CPQ: variants seen among roughly 807,000 people sequenced by gnomAD.
CPQ encodes the protein carboxypeptidase Q, also known as Ser-Met dipeptidase.
A neutral mutation model predicts 45.7 loss-of-function variants in CPQ; 37 were observed. The observed-to-expected ratio is 0.81, with a 90% CI of 0.62 to 1.07. CPQ has a LOEUF of 1.07. Among genes scored for constraint, CPQ ranks in the 50% least tolerant of loss-of-function variants. The pLI is 0.00. For synonymous variants in CPQ, 186 were observed against 205.8 expected (o/e 0.90, Z 0.82); for missense variants, 537 against 572.9 (o/e 0.94, Z 0.64).
intron 7 of CPQ, among the ~76,000 whole-genome samples, chr8:97,089,893 A>G (rs866440153): frequency 2.6e-5 from 4 of 152,292 alleles, no homozygotes; most frequent in African/African-American, 9.6e-5. Context: ...CTAATGTAGT[A>G]AGTGTGGGGT....
At chr8:96,793,242 C>T (rs192352436) in intron 2 of CPQ, among the ~76,000 whole-genome samples, 158 of 152,276 alleles carry the variant, frequency 1.0e-3, no homozygotes, top group East Asian at 1.4e-3. Context: ...TCCATTTTCA[C>T]GCTGCTTATA....
intron 1 of CPQ, among the ~76,000 whole-genome samples, chr8:96,707,694 T>G (rs1271822811): frequency 7.1e-6 from 1 of 140,910 alleles, no homozygotes; most frequent in Non-Finnish European, 1.5e-5. Context: ...AATGAATGAT[T>G]TTTTTTTTTG....
At chr8:96,729,005 T>C (rs1809877006) in intron 1 of CPQ, among the ~76,000 whole-genome samples, 1 of 152,154 alleles carries the variant, frequency 6.6e-6, no homozygotes, top group South Asian at 2.1e-4. Context: ...GTAAGTGATA[T>C]CATCTGTGGT....
chr8:96,903,996 C>T (rs939574860), intron 4 of CPQ, among the ~76,000 whole-genome samples: 2 of 152,060 alleles, frequency 1.3e-5, no homozygotes, highest in Non-Finnish European at 2.9e-5. Flanking sequence ...ACCAAAATAC[C>T]ACAGGCCTCC....
At chr8:96,920,636 T>G (rs949143845) in intron 4 of CPQ, among the ~76,000 whole-genome samples, 1 of 152,070 alleles carries the variant, frequency 6.6e-6, no homozygotes, top group Non-Finnish European at 1.5e-5. Flanking sequence ...GGTGATCGTA[T>G]TTAGAGATAT....
At chr8:96,872,997 CA>C (rs1812092749) in intron 3 of CPQ, among the ~76,000 whole-genome samples, 2 of 151,552 alleles carry the variant, frequency 1.3e-5, no homozygotes, top group Non-Finnish European at 3.0e-5. Context: ...TGTTAAATAC[CA>C]AACAGTTTTA....
intron 2 of CPQ, among the ~76,000 whole-genome samples, chr8:96,833,296 A>AAAAAC (rs566102546): frequency 4.6e-5 from 7 of 151,900 alleles, no homozygotes; most frequent in Non-Finnish European, 1.0e-4. Flanking sequence ...CTTGTTTGTT[A>AAAAAC]AAAACAAAAC....
intron 5 of CPQ, among the ~76,000 whole-genome samples, chr8:97,021,654 A>C (rs28820108): frequency 0.078 from 11,857 of 152,244 alleles, 901 homozygotes; most frequent in African/African-American, 0.2. Context: ...GAATATACCT[A>C]ACCAAGGATG....
chr8:96,811,680 C>A (rs1481847212), intron 2 of CPQ, among the ~76,000 whole-genome samples: 1 of 151,894 alleles, frequency 6.6e-6, no homozygotes, highest in Non-Finnish European at 1.5e-5. Flanking sequence ...TAATTTATAC[C>A]TATATTCAAG....
At chr8:96,988,822 C>G (rs186142182) in intron 5 of CPQ, among the ~76,000 whole-genome samples, 11 of 152,326 alleles carry the variant, frequency 7.2e-5, no homozygotes, top group African/African-American at 2.4e-4. Flanking sequence ...GCAATAAAAT[C>G]AGATTCTTAA....
At position 96,820,961 on chromosome 8, in the gene CPQ, A is replaced by G. The variant is rs138420657; in HGVS notation, c.434-14012A>G. 2.1e-3 allele frequency among the ~76,000 whole-genome samples: 324 copies of G among 151,630 alleles called. 4 individuals are homozygous for G. The East Asian group carries it at 0.053, about 25-fold the overall frequency. On this transcript the variant is annotated intron_variant, in intron 2 of 7. Coordinates refer to ENST00000220763, the MANE Select transcript of CPQ (RefSeq NM_016134.4). ...AAGGTTCCCCTTTCTCCACATCCTC[A>G]CCAGCATCTGTTATTGTGTGTGGTG...
chr8:97,109,682 T>C (rs536929545), intron 7 of CPQ, among the ~76,000 whole-genome samples: 1 of 152,268 alleles, frequency 6.6e-6, no homozygotes, highest in Non-Finnish European at 1.5e-5. Context: ...TCAGACTCCT[T>C]GAATGATTAT....
At chr8:96,758,828 C>T (rs981348391) in intron 1 of CPQ, among the ~76,000 whole-genome samples, 4 of 152,096 alleles carry the variant, frequency 2.6e-5, no homozygotes, top group African/African-American at 9.7e-5. Context: ...GTCCAAAGTC[C>T]TTCACCAGTC....
chr8:96,919,088 A>C (rs968612217), intron 4 of CPQ, among the ~76,000 whole-genome samples: 2 of 151,880 alleles, frequency 1.3e-5, no homozygotes, highest in Non-Finnish European at 2.9e-5. Flanking sequence ...TCTGCTTGAC[A>C]TCTTCATTTT....
intron 4 of CPQ, among the ~76,000 whole-genome samples, chr8:96,941,876 G>T (rs550279454): frequency 1.3e-5 from 2 of 152,244 alleles, no homozygotes; most frequent in African/African-American, 2.4e-5. Context: ...TGAATTAAAT[G>T]TAGTCATTTT....
intron 7 of CPQ, among the ~76,000 whole-genome samples, chr8:97,125,381 C>T (rs1251449419): frequency 6.6e-6 from 1 of 152,114 alleles, no homozygotes; most frequent in East Asian, 1.9e-4. Flanking sequence ...TACTTCCCAA[C>T]TCATTTTATA....
intron 1 of CPQ, among the ~76,000 whole-genome samples, chr8:96,716,908 C>T (rs1809681293): frequency 6.7e-6 from 1 of 150,198 alleles, no homozygotes; most frequent in South Asian, 2.1e-4. Context: ...AACTCCGTCA[C>T]ACACACACAC....
intron 4 of CPQ, among the ~76,000 whole-genome samples, chr8:96,887,636 G>T (rs1326896850): frequency 6.6e-6 from 1 of 152,106 alleles, no homozygotes; most frequent in East Asian, 1.9e-4. Context: ...TGACTCTTGG[G>T]GCTGGCCCAT....
chr8:97,127,078 T>G (rs566410831), intron 7 of CPQ, among the ~76,000 whole-genome samples: 1 of 152,096 alleles, frequency 6.6e-6, no homozygotes, highest in African/African-American at 2.4e-5. Context: ...GAAGAAAATA[T>G]AGGAGAAAAA....
Sources: allele counts gnomAD v4.1 joint callset (sites outside exome capture counted in the v4.1 genomes callset), GRCh38; gene constraint gnomAD v4.1.1; transcripts MANE v1.5; gene names NCBI Gene and HGNC (gene_info 2026-07-23, HGNC 2026-07-21).